SMAGP: variants seen among roughly 807,000 people sequenced by gnomAD.
The protein encoded by SMAGP is small cell adhesion glycoprotein, also known as small cell transmembrane and glycosylated protein.
A neutral mutation model predicts 10.1 loss-of-function variants in SMAGP; 7 were observed. That is an observed-to-expected ratio of 0.70 (90% CI 0.40 to 1.31). SMAGP has a LOEUF of 1.31. SMAGP is among the 50% of genes most tolerant of loss of function. The pLI, the probability that SMAGP is intolerant of heterozygous loss-of-function variation, is 0.01. For missense variants in SMAGP, 113 were observed against 116.5 expected, an observed-to-expected ratio of 0.97 and a Z score of 0.14; for synonymous variants, 49 against 47.2, an observed-to-expected ratio of 1.04 and a Z score of -0.16.
At chr12:51,269,219 TG>T in intron 2 of SMAGP, 25 bp downstream of exon 2, 1 of 1,613,490 alleles carries the variant, frequency 6.2e-7, no homozygotes, top group African/African-American at 1.3e-5. Context: ...TCTTTCTCAC[TG>T]GGATTAGGAA....
chr12:51,251,791 A>G (rs986457098), intron 2 of SMAGP, among the ~76,000 whole-genome samples: 10 of 152,220 alleles, frequency 6.6e-5, no homozygotes, highest in African/African-American at 2.4e-4. Flanking sequence ...TCAGTTATCT[A>G]TTCTTTAATT....
In SMAGP at chr12:51,245,699, G is replaced by A. The variant is rs1358111486; in HGVS notation, c.*242C>T. 2.2e-6 allele frequency: 1 copy of A among 463,548 alleles called. No homozygotes were observed. The highest frequency in any genetic ancestry group is 3.9e-6 in the Non-Finnish European group (1 of 256,340). The allele number at this position is 463,548 out of a possible 1,614,324, so 28.7% of individuals were successfully genotyped here. On this transcript the variant is annotated 3_prime_UTR_variant, in exon 4 of 4. Transcript: ENST00000603798. Reference sequence around the variant, plus strand: ...TCCCCTGGCATAGCCACATCTTGTTGGCCAGTCACAAACACCAGCTCTAGT... The same window carrying A: ...TCCCCTGGCATAGCCACATCTTGTTAGCCAGTCACAAACACCAGCTCTAGT...
chr12:51,249,909 G>A (rs1001288078), intron 2 of SMAGP, among the ~76,000 whole-genome samples: 1 of 151,978 alleles, frequency 6.6e-6, no homozygotes, highest in African/African-American at 2.4e-5. Context: ...GAGCCACTGT[G>A]CCTCGCCTAT....
At chr12:51,269,625 A>C (rs1018509598) in intron 1 of SMAGP, 3 of 228,782 alleles carry the variant, frequency 1.3e-5, no homozygotes, top group South Asian at 1.5e-4. Context: ...AAGGTTCGCA[A>C]ATCAGCAGCG....
intron 2 of SMAGP, among the ~76,000 whole-genome samples, chr12:51,258,053 G>A (rs1481222257): frequency 6.6e-6 from 1 of 152,220 alleles, no homozygotes; most frequent in East Asian, 1.9e-4. Flanking sequence ...TGTAAGTCCA[G>A]CAATTTGGAA....
At chr12:51,246,941 T>G in intron 2 of SMAGP, 110 bp from the exon 3 acceptor site, 2 of 698,676 alleles carry the variant, frequency 2.9e-6, no homozygotes, top group South Asian at 4.5e-5. Flanking sequence ...TTCAAAAGTT[T>G]ATCATTTAAC....
intron 2 of SMAGP, among the ~76,000 whole-genome samples, chr12:51,252,639 C>T (rs560458497): frequency 4.6e-5 from 7 of 152,132 alleles, no homozygotes; most frequent in African/African-American, 1.7e-4. Flanking sequence ...GATCCGCCCT[C>T]CTCAGCCTCC....
intron 2 of SMAGP, among the ~76,000 whole-genome samples, chr12:51,268,811 C>T (rs561966823): frequency 1.4e-4 from 21 of 152,178 alleles, no homozygotes; most frequent in Middle Eastern, 3.4e-3. Context: ...GTCTCAAACT[C>T]CTGACCTCAG....
intron 2 of SMAGP, among the ~76,000 whole-genome samples, chr12:51,250,513 T>G (rs1179303130): frequency 4.1e-5 from 1 of 24,520 alleles, no homozygotes. Context: ...TTTTTTTTGT[T>G]TTTTTTTTGT....
At chr12:51,249,663 G>A (rs764888054) in intron 2 of SMAGP, among the ~76,000 whole-genome samples, 4 of 151,860 alleles carry the variant, frequency 2.6e-5, no homozygotes, top group Non-Finnish European at 4.4e-5. Flanking sequence ...CATTGCCCAG[G>A]CTGGAGTGCA....
At chr12:51,246,524 A>G in intron 3 of SMAGP, 1 of 458,114 alleles carries the variant, frequency 2.2e-6, no homozygotes, top group South Asian at 4.6e-5. Flanking sequence ...TAACGTCCGT[A>G]TGCATATCTA....
intron 2 of SMAGP, among the ~76,000 whole-genome samples, chr12:51,259,308 C>T (rs1021845482): frequency 6.6e-6 from 1 of 152,126 alleles, no homozygotes; most frequent in African/African-American, 2.4e-5. Context: ...CAGATGGAGT[C>T]TTACTGTGTT....
chr12:51,252,081 A>G (rs1251454853), intron 2 of SMAGP, among the ~76,000 whole-genome samples: 1 of 149,244 alleles, frequency 6.7e-6, no homozygotes, highest in African/African-American at 2.4e-5. Flanking sequence ...ACAAGAAGGC[A>G]GACTCTACAT....
At chr12:51,270,136 G>A (rs1032051189) in intron 1 of SMAGP, 120 bp downstream of exon 1, 2 of 152,148 alleles carry the variant, frequency 1.3e-5, no homozygotes, top group African/African-American at 2.4e-5. Flanking sequence ...GCGACCCTCT[G>A]CCCCAGCGGA....
chr12:51,255,969 C>G (rs1398053052), intron 2 of SMAGP, among the ~76,000 whole-genome samples: 2 of 152,218 alleles, frequency 1.3e-5, no homozygotes, highest in East Asian at 3.9e-4. Context: ...CGGGGTTTCA[C>G]CATGTTGGCC....
chr12:51,249,278 C>G (rs1170608719), intron 2 of SMAGP, among the ~76,000 whole-genome samples: 1 of 152,200 alleles, frequency 6.6e-6, no homozygotes, highest in Non-Finnish European at 1.5e-5. Flanking sequence ...CTGTGAGCTA[C>G]TCCAGCAAAT....
intron 2 of SMAGP, among the ~76,000 whole-genome samples, chr12:51,261,815 T>A (rs1280898498): frequency 6.6e-6 from 1 of 152,106 alleles, no homozygotes; most frequent in African/African-American, 2.4e-5. Context: ...GGCCATCCAT[T>A]GTGGAAACAG....
chr12:51,267,100 A>G (rs1316584145), intron 2 of SMAGP, among the ~76,000 whole-genome samples: 2 of 152,230 alleles, frequency 1.3e-5, no homozygotes, highest in African/African-American at 2.4e-5. Flanking sequence ...TGGGTGACAC[A>G]GCAAGACTTG....
intron 1 of SMAGP, 64 bp from the exon 2 acceptor site, chr12:51,269,380 A>C: frequency 7.4e-7 from 1 of 1,348,308 alleles, no homozygotes. Flanking sequence ...GAGTCCTGGA[A>C]GTCCCAGGAA....
Sources: gnomAD v4.1 joint callset for allele counts (sites outside exome capture counted in the v4.1 genomes callset) on GRCh38, gnomAD v4.1.1 for gene constraint, MANE v1.5 for transcripts, NCBI Gene and HGNC (gene_info 2026-07-23, HGNC 2026-07-21) for gene names.